The following MINPP1 variants were observed in gnomAD, a reference collection of about 807,000 sequenced individuals.
The protein encoded by MINPP1 is multiple inositol-polyphosphate phosphatase 1.
A neutral mutation model predicts 46.1 loss-of-function variants in MINPP1; 28 were observed. The ratio of observed to expected loss-of-function variants is 0.61; its 90% CI spans 0.45 to 0.83. The LOEUF (loss-of-function observed/expected upper bound fraction) is 0.83, where lower values mean the gene tolerates loss of function less well. MINPP1 is among the 40% of genes least tolerant of loss of function. The probability of loss-of-function intolerance (pLI) is 0.00; values close to 1 mark genes in which losing one functional copy is unlikely to be tolerated. For synonymous variants in MINPP1, 268 were observed against 249.1 expected (o/e 1.08, Z -0.72); for missense variants, 603 against 610.0 (o/e 0.99, Z 0.12).
intron 4 of MINPP1, among the ~76,000 whole-genome samples, chr10:87,527,827 C>T (rs1385466049): frequency 6.6e-6 from 1 of 152,072 alleles, no homozygotes; most frequent in Non-Finnish European, 1.5e-5. Flanking sequence ...GCTGTGAATC[C>T]GTCTGGTCCT....
chr10:87,545,280 G>A (rs1296930498), intron 4 of MINPP1, among the ~76,000 whole-genome samples: 1 of 151,098 alleles, frequency 6.6e-6, no homozygotes, highest in African/African-American at 2.4e-5. Flanking sequence ...CTCTAAGTGG[G>A]ATTTTTAATA....
rs772864494 is a variant in MINPP1 at position 87,517,512 on chromosome 10, T to C, written c.934-3524T>C. ...AGCCTGTATATTTAAATCATGTGTA[T>C]GTAAATTACAATTTAATAAAGTTTT... is the stretch of plus-strand genomic sequence containing the variant. On this transcript the variant is annotated intron_variant, in intron 3 of 4. Transcript: ENST00000371996. 1.1e-3 allele frequency among the ~76,000 whole-genome samples: 165 copies of C among 152,332 alleles called. 1 individual carries two copies. The highest frequency in any genetic ancestry group is 2.1e-3 in the South Asian group (10 of 4,830).
chr10:87,535,000 T>C lies in MINPP1; in HGVS notation c.1067+13831T>C, dbSNP rs181019161. Among the ~76,000 whole-genome samples the C allele has an allele frequency of 1.2e-4, 19 of 152,352 alleles. No homozygotes were observed. The East Asian group carries it at 2.5e-3, about 20-fold the overall frequency. On this transcript the variant is annotated intron_variant, in intron 4 of 4. Coordinates refer to ENST00000371996, the MANE Select transcript of MINPP1 (RefSeq NM_004897.5). Reference sequence around the variant, plus strand: ...ATACATAAACATGGATAAGAAGTTATACCCGCTACATCCAAGGGGCTCTCA... The same window carrying C: ...ATACATAAACATGGATAAGAAGTTACACCCGCTACATCCAAGGGGCTCTCA...
At position 87,516,076 on chromosome 10, in the gene MINPP1, G is replaced by A. The variant is rs1246474230; in HGVS notation, c.933+2855G>A. On this transcript the variant is annotated intron_variant, in intron 3 of 4. Coordinates refer to ENST00000371996, the MANE Select transcript of MINPP1 (RefSeq NM_004897.5). ...ACTCCTGAACTCAAGTGATCCGCCC[G>A]CCTCACCCTCCCAAAGTGCTGGGTT... 2.9e-4 allele frequency among the ~76,000 whole-genome samples: 20 copies of A among 69,622 alleles called. 5 individuals are homozygous for A. Among genetic ancestry groups the A allele is most frequent in the African/African-American group, 5.8e-4 (15 of 25,802 alleles). The allele number at this position is 69,622 out of a possible 152,430, so 45.7% of individuals were successfully genotyped here.
intron 4 of MINPP1, among the ~76,000 whole-genome samples, chr10:87,549,816 C>T (rs1330276823): frequency 6.6e-6 from 1 of 152,178 alleles, no homozygotes; most frequent in African/African-American, 2.4e-5. Context: ...AGGATTGCTT[C>T]TGGCTTTGAG....
Position 87,505,210 on chromosome 10 carries a change from A to G in MINPP1, c.295A>G (p.Ile99Val), listed in dbSNP as rs1167462272. Reference protein sequence around the residue: ...HGTRYPTVKQIRKLRQLHGLL... With the variant: ...HGTRYPTVKQVRKLRQLHGLL... ...CACCCGCTACCCCACGGTCAAACAG[A>G]TCCGCAAGCTGAGGCAGCTGCACGG... is the stretch of plus-strand genomic sequence containing the variant. Residue 99 changes from isoleucine (I) to valine (V), a missense_variant, in exon 1 of 5, where the codon ATC becomes GTC. Coordinates refer to ENST00000371996, the MANE Select transcript of MINPP1 (RefSeq NM_004897.5). This position sits in a 1 kb window ranked among gnomAD's most constrained non-coding sequence, Gnocchi z 4.4. 2 of 1,611,210 alleles carry G rather than the reference A, an allele frequency of 1.2e-6. No homozygotes were observed. Among genetic ancestry groups the G allele is most frequent in the African/African-American group, 1.3e-5 (1 of 74,906 alleles).
At chr10:87,552,044 A>C in intron 4 of MINPP1, 38 bp from the exon 5 acceptor site, 1 of 1,494,112 alleles carries the variant, frequency 6.7e-7, no homozygotes, top group East Asian at 2.3e-5. Context: ...TATGACATTA[A>C]TATATATACC....
rs567664437 is a variant in MINPP1, at chr10:87,551,625, A to G, written c.1068-457A>G. Among the ~76,000 whole-genome samples the G allele has an allele frequency of 2.6e-4, 40 of 152,208 alleles. 1 individual carries two copies. In the South Asian group the frequency reaches 8.1e-3, roughly 31 times the overall value. ...TAATCCTGTTCAGACTTGGTAAGAC[A>G]TTTACTGAATATTGCTTGTTCTTAT... is the stretch of plus-strand genomic sequence containing the variant. On this transcript the variant is annotated intron_variant, in intron 4 of 4. Coordinates refer to ENST00000371996, the MANE Select transcript of MINPP1 (RefSeq NM_004897.5).
At chr10:87,508,020 T>C in intron 1 of MINPP1, 1 of 1,405,360 alleles carries the variant, frequency 7.1e-7, no homozygotes, top group Non-Finnish European at 9.2e-7. Flanking sequence ...TTTAGTTTGC[T>C]TTCTAAAGTT....
chr10:87,505,179 C>A lies in MINPP1; in HGVS notation c.264C>A (p.Arg88=). ...CGGTGCAGCTGGTCGCCCTCATTCG[C>A]CACGGCACCCGCTACCCCACGGTCA... ...CTPVQLVALI[R]HGTRYPTVKQ... is the part of the protein sequence containing the mutation. The change falls in exon 1 of 5, where the codon CGC becomes CGA. Residue 88 remains arginine, a synonymous_variant. Transcript: ENST00000371996. The surrounding 1 kb of genome is among the most constrained non-coding windows in gnomAD (Gnocchi z 4.4). The A allele has an allele frequency of 7.5e-6, 12 of 1,609,144 alleles. No homozygotes were observed. The highest frequency in any genetic ancestry group is 8.5e-6 in the Non-Finnish European group (10 of 1,177,890).
chr10:87,552,947 A>G lies in MINPP1; in HGVS notation c.*469A>G, dbSNP rs1851985706. 6.4e-6 allele frequency: 1 copy of G among 155,350 alleles called. No individual in the cohort carries two copies. The highest frequency in any genetic ancestry group is 1.4e-5 in the Non-Finnish European group (1 of 70,048). 9.6% of individuals were successfully genotyped at this position (155,350 alleles called of 1,614,324 possible). A position where few individuals can be genotyped will look rare whatever the true frequency, so the allele number is the denominator to read the frequency against. ...TTTCTTAATCAGGAATATTGTGGTA[A>G]GCTGGGAGTATCACTCTGGAAGAAA... On this transcript the variant is annotated 3_prime_UTR_variant, in exon 5 of 5. Coordinates refer to ENST00000371996, the MANE Select transcript of MINPP1 (RefSeq NM_004897.5).
At chr10:87,532,429 T>C (rs1851673643) in intron 4 of MINPP1, among the ~76,000 whole-genome samples, 1 of 152,194 alleles carries the variant, frequency 6.6e-6, no homozygotes, top group Non-Finnish European at 1.5e-5. Context: ...TGTGAAACAA[T>C]GTAAGAAGTT....
chr10:87,527,154 T>G (rs538701656), intron 4 of MINPP1, among the ~76,000 whole-genome samples: 11 of 152,290 alleles, frequency 7.2e-5, no homozygotes, highest in South Asian at 2.1e-4. Flanking sequence ...CCATTTTCAC[T>G]ATATTGATTC....
At chr10:87,509,622 C>G (rs1213226009) in intron 2 of MINPP1, 1 of 215,800 alleles carries the variant, frequency 4.6e-6, no homozygotes, top group Non-Finnish European at 1.0e-5. Flanking sequence ...TCCCATTCTT[C>G]TTCCTTTCTC....
At chr10:87,520,079 T>TGTGTGTGTG (rs1359714382) in intron 3 of MINPP1, among the ~76,000 whole-genome samples, 2 of 151,548 alleles carry the variant, frequency 1.3e-5, no homozygotes, top group South Asian at 2.1e-4. Context: ...TGTGTGTGTG[T>TGTGTGTGTG]TGGTAATAAA....
chr10:87,517,258 T>G (rs1851424506), intron 3 of MINPP1, among the ~76,000 whole-genome samples: 2 of 152,246 alleles, frequency 1.3e-5, no homozygotes, highest in African/African-American at 4.8e-5. Context: ...TGACCTGTTG[T>G]GTTGTGAAAA....
chr10:87,520,589 C>G (rs1403120241), intron 3 of MINPP1, among the ~76,000 whole-genome samples: 2 of 152,030 alleles, frequency 1.3e-5, no homozygotes, highest in African/African-American at 4.8e-5. Context: ...TCTCATCCAC[C>G]TATGGTATCT....
chr10:87,551,461 C>T (rs2131847290), intron 4 of MINPP1, among the ~76,000 whole-genome samples: 1 of 152,064 alleles, frequency 6.6e-6, no homozygotes, highest in East Asian at 1.9e-4. Flanking sequence ...TGATTCAGCT[C>T]AGTGTTGAAA....
At chr10:87,508,631 T>A in intron 2 of MINPP1, 98 bp downstream of exon 2, 1 of 1,166,584 alleles carries the variant, frequency 8.6e-7, no homozygotes, top group Non-Finnish European at 1.3e-6. Flanking sequence ...TAAAGACCCA[T>A]AATTGATCTA....
Sources: gnomAD v4.1 joint callset for allele counts (sites outside exome capture counted in the v4.1 genomes callset) on GRCh38, gnomAD v4.1.1 for gene constraint, Gnocchi (gnomAD v3.1) non-coding constraint, MANE v1.5 for transcripts, NCBI Gene and HGNC (gene_info 2026-07-23, HGNC 2026-07-21) for gene names.